The following CLNK variants were observed in gnomAD, a reference collection of about 807,000 sequenced individuals.
The protein encoded by CLNK is cytokine dependent hematopoietic cell linker.
A neutral mutation model predicts 68.6 loss-of-function variants in CLNK; 74 were observed. The observed-to-expected ratio is 1.08, with a 90% confidence interval of 0.89 to 1.31. The LOEUF (loss-of-function observed/expected upper bound fraction) is 1.31, where lower values mean the gene tolerates loss of function less well. Ranked by LOEUF, CLNK falls within the 50% of genes most tolerant of loss-of-function variation. CLNK has a pLI of 0.00. For missense variants in CLNK, 553 were observed against 515.3 expected (o/e 1.07, Z -0.71); for synonymous variants, 198 against 172.2 (o/e 1.15, Z -1.17).
intron 18 of CLNK, among the ~76,000 whole-genome samples, chr4:10,495,822 C>CAG (rs1227119168): frequency 1.6e-5 from 2 of 125,998 alleles, no homozygotes; most frequent in African/African-American, 6.3e-5. Context: ...GTCACGTGAC[C>CAG]ATAGAGAGAG....
At chr4:10,654,820 C>T (rs562446245) in intron 2 of CLNK, among the ~76,000 whole-genome samples, 11 of 152,128 alleles carry the variant, frequency 7.2e-5, no homozygotes, top group Non-Finnish European at 1.2e-4. Flanking sequence ...AATGATTTCT[C>T]GGCCAGGCGT....
In CLNK at chr4:10,569,670, G is replaced by T. The variant is rs576211531; in HGVS notation, c.150+2071C>A. Among the ~76,000 whole-genome samples the T allele has an allele frequency of 2.6e-5, 4 of 152,262 alleles. No homozygotes were observed. The East Asian group carries it at 7.7e-4, about 29-fold the overall frequency. Reference sequence around the variant, plus strand: ...GCAACAGATGCACTCACACACAATGGTCATTATAGGAATTCTGGAATGTGC... The same window carrying T: ...GCAACAGATGCACTCACACACAATGTTCATTATAGGAATTCTGGAATGTGC... On this transcript the variant is annotated intron_variant, in intron 5 of 18. Coordinates refer to ENST00000226951, the MANE Select transcript of CLNK (RefSeq NM_052964.4).
intron 2 of CLNK, among the ~76,000 whole-genome samples, chr4:10,658,629 G>A (rs558904868): frequency 1.4e-3 from 210 of 152,258 alleles, no homozygotes; most frequent in African/African-American, 4.7e-3. Flanking sequence ...GGGCTTCTCC[G>A]CAAGGCTTGG....
chr4:10,660,759 T>A (rs1368730462), intron 2 of CLNK, among the ~76,000 whole-genome samples: 2 of 152,204 alleles, frequency 1.3e-5, no homozygotes, highest in African/African-American at 4.8e-5. Flanking sequence ...TATTCCCTCA[T>A]CACCGACCAT....
At chr4:10,548,793 T>G (rs1012075410) in intron 8 of CLNK, among the ~76,000 whole-genome samples, 15 of 152,206 alleles carry the variant, frequency 9.9e-5, no homozygotes, top group African/African-American at 3.6e-4. Context: ...TTGTCTCCAT[T>G]GTGTATTCCT....
At chr4:10,666,371 T>A (rs549748344) in intron 2 of CLNK, among the ~76,000 whole-genome samples, 15 of 152,350 alleles carry the variant, frequency 9.8e-5, no homozygotes, top group African/African-American at 3.1e-4. Flanking sequence ...ATTTGCCACG[T>A]TTATCCCCAG....
chr4:10,597,713 A>G (rs1437388461), intron 3 of CLNK, among the ~76,000 whole-genome samples: 2 of 152,152 alleles, frequency 1.3e-5, no homozygotes, highest in African/African-American at 2.4e-5. Flanking sequence ...GGGGTTGTTT[A>G]GAGACCTGGG....
intron 2 of CLNK, among the ~76,000 whole-genome samples, chr4:10,621,773 T>G (rs929387687): frequency 1.3e-5 from 2 of 151,700 alleles, no homozygotes; most frequent in Admixed American, 1.3e-4. Flanking sequence ...CTGTGAACTT[T>G]CTTTGTGTGC....
chr4:10,658,358 G>A (rs1577202043), intron 2 of CLNK, among the ~76,000 whole-genome samples: 1 of 152,222 alleles, frequency 6.6e-6, no homozygotes, highest in East Asian at 1.9e-4. Flanking sequence ...TTGTGATGAT[G>A]ATATAGCCAG....
chr4:10,545,944 C>A (rs1487989569), intron 8 of CLNK, among the ~76,000 whole-genome samples: 1 of 152,202 alleles, frequency 6.6e-6, no homozygotes, highest in African/African-American at 2.4e-5. Context: ...GTGTAGGAAG[C>A]AGAGTCCCAG....
At chr4:10,724,887 A>T in the CLNK span, among the ~76,000 whole-genome samples, 1 of 152,090 alleles carries the variant, frequency 6.6e-6, no homozygotes, top group Non-Finnish European at 1.5e-5. Context: ...GACGGGAGAG[A>T]AGAGAAAGCC....
intron 17 of CLNK, among the ~76,000 whole-genome samples, chr4:10,503,614 A>G (rs950177876): frequency 5.4e-5 from 8 of 148,512 alleles, no homozygotes; most frequent in African/African-American, 2.0e-4. Context: ...TAGATATATA[A>G]TAATGGTAAT....
intron 3 of CLNK, among the ~76,000 whole-genome samples, chr4:10,592,603 G>A (rs1721219675): frequency 6.6e-6 from 1 of 151,672 alleles, no homozygotes; most frequent in African/African-American, 2.4e-5. Context: ...GCATCCTAGG[G>A]TTATCCACAA....
At chr4:10,535,690 A>T (rs1718733107) in intron 11 of CLNK, among the ~76,000 whole-genome samples, 2 of 152,254 alleles carry the variant, frequency 1.3e-5, no homozygotes. Flanking sequence ...TGGTTAGTAG[A>T]TATGAAACAC....
chr4:10,642,435 G>A (rs898570854), intron 2 of CLNK, among the ~76,000 whole-genome samples: 1 of 152,286 alleles, frequency 6.6e-6, no homozygotes, highest in Admixed American at 6.5e-5. Context: ...TTTCTGGAGA[G>A]TCATTTAATT....
At chr4:10,631,038 A>T (rs559104663) in intron 2 of CLNK, among the ~76,000 whole-genome samples, 3 of 142,376 alleles carry the variant, frequency 2.1e-5, no homozygotes, top group Non-Finnish European at 4.9e-5. Context: ...ATGGCACCAA[A>T]TGCCAGTGCT....
intron 15 of CLNK, among the ~76,000 whole-genome samples, chr4:10,519,075 T>C (rs879738677): frequency 6.6e-6 from 1 of 152,192 alleles, no homozygotes; most frequent in Non-Finnish European, 1.5e-5. Flanking sequence ...ACCATGTTCT[T>C]GTGGGTGTTT....
the CLNK span, among the ~76,000 whole-genome samples, chr4:10,724,101 T>C: frequency 6.6e-6 from 1 of 152,284 alleles, no homozygotes; most frequent in South Asian, 2.1e-4. Context: ...TAAGTCCTTA[T>C]TATTGGACTA....
At chr4:10,613,769 A>T (rs949022778) in intron 2 of CLNK, among the ~76,000 whole-genome samples, 2 of 152,228 alleles carry the variant, frequency 1.3e-5, no homozygotes, top group Admixed American at 6.5e-5. Context: ...CTTCACCCAC[A>T]GAATTAATCT....
Sources: allele counts gnomAD v4.1 joint callset (sites outside exome capture counted in the v4.1 genomes callset), GRCh38; gene constraint gnomAD v4.1.1; transcripts MANE v1.5; gene names NCBI Gene and HGNC (gene_info 2026-07-23, HGNC 2026-07-21).